RIN2: variants seen among roughly 807,000 people sequenced by gnomAD.
RIN2 encodes the protein Ras and Rab interactor 2, also known as RAB5 interacting protein 2.
In RIN2, 36 loss-of-function variants were observed where a neutral mutation model predicts 78.0. The observed-to-expected ratio is 0.46, with a 90% CI of 0.35 to 0.61. The LOEUF is 0.61. Ranked by LOEUF, RIN2 falls within the 20% of genes least tolerant of loss-of-function variation. The pLI, the probability that RIN2 is intolerant of heterozygous loss-of-function variation, is 0.00. For synonymous variants in RIN2, 466 were observed against 466.8 expected, an observed-to-expected ratio of 1.00 and a Z score of 0.02; for missense variants, 1,087 against 1,159.7, an observed-to-expected ratio of 0.94 and a Z score of 0.91.
At chr20:19,810,981 G>C (rs928314954) in intron 2 of RIN2, among the ~76,000 whole-genome samples, 5 of 151,614 alleles carry the variant, frequency 3.3e-5, no homozygotes, top group African/African-American at 1.2e-4. Context: ...AAAGTGCTGG[G>C]ATTACAGGCG....
intron 3 of RIN2, among the ~76,000 whole-genome samples, chr20:19,905,574 A>G (rs2123679697): frequency 1.3e-5 from 2 of 152,284 alleles, no homozygotes; most frequent in South Asian, 4.1e-4. Flanking sequence ...AAAGATAAAT[A>G]AACTAAGAAA....
intron 2 of RIN2, among the ~76,000 whole-genome samples, chr20:19,873,656 A>C (rs1336129893): frequency 6.6e-6 from 1 of 152,150 alleles, no homozygotes; most frequent in African/African-American, 2.4e-5. Flanking sequence ...GGCAATTAAG[A>C]ACCCTGAAAT....
chr20:19,934,519 G>A, intron 3 of RIN2: 1 of 985,174 alleles, frequency 1.0e-6, no homozygotes, highest in Non-Finnish European at 1.2e-6. Flanking sequence ...ATCCACCCCA[G>A]CCTCACTCAG....
At position 19,774,121 on chromosome 20, in the gene RIN2, C is replaced by T. The variant is rs117225222; in HGVS notation, c.-163+15794C>T. Among the ~76,000 whole-genome samples the T allele has an allele frequency of 5.0e-3, 755 of 152,066 alleles. 3 individuals are homozygous for T. Among genetic ancestry groups the T allele is most frequent in the Middle Eastern group, 0.01 (3 of 294 alleles). Reference sequence around the variant, plus strand: ...GGGATGGAGGCCTTTATAGGCTCCTCTCTTTTATCTCACAGGGAATTTTTC... The same window carrying T: ...GGGATGGAGGCCTTTATAGGCTCCTTTCTTTTATCTCACAGGGAATTTTTC... On this transcript the variant is annotated intron_variant, in intron 1 of 12. Coordinates refer to ENST00000255006, the MANE Select transcript of RIN2 (RefSeq NM_018993.4).
intron 3 of RIN2, among the ~76,000 whole-genome samples, chr20:19,896,109 A>G (rs2038708888): frequency 6.6e-6 from 1 of 152,226 alleles, no homozygotes; most frequent in African/African-American, 2.4e-5. Context: ...GTGGACAGAG[A>G]TTGCAGGGGC....
At chr20:19,854,777 T>G (rs1022972393) in intron 2 of RIN2, among the ~76,000 whole-genome samples, 19 of 152,218 alleles carry the variant, frequency 1.2e-4, no homozygotes, top group African/African-American at 4.6e-4. Flanking sequence ...AAGGAGATTT[T>G]GGGCTGAGAC....
At chr20:19,959,682 T>C (rs551828527) in intron 5 of RIN2, among the ~76,000 whole-genome samples, 2 of 151,864 alleles carry the variant, frequency 1.3e-5, no homozygotes, top group East Asian at 3.9e-4. Context: ...AGAGAATAGG[T>C]AGAGAGTAAG....
In RIN2 at chr20:19,918,243, G is replaced by T. The variant is rs1447833894; in HGVS notation, c.58-16856G>T. Among the ~76,000 whole-genome samples, 8 of 145,110 alleles carry T rather than the reference G, an allele frequency of 5.5e-5. No individual in the cohort carries two copies. In the South Asian group the frequency reaches 1.4e-3, roughly 26 times the overall value. ...GCTTAAGGAAACCAAAGGCCAGAAA[G>T]GTTAAGCAACCTCCCACCCAAGGCC... On this transcript the variant is annotated intron_variant, in intron 3 of 12. Transcript: ENST00000255006.
chr20:20,000,589 T>C, intron 12 of RIN2, 24 bp from the exon 13 acceptor site: 1 of 1,562,850 alleles, frequency 6.4e-7, no homozygotes, highest in East Asian at 2.3e-5. Flanking sequence ...TCTGACTGTC[T>C]CAACATTCCT....
chr20:19,921,663 G>A (rs1021174534), intron 3 of RIN2, among the ~76,000 whole-genome samples: 1 of 152,122 alleles, frequency 6.6e-6, no homozygotes, highest in African/African-American at 2.4e-5. Context: ...GAAGGCTGGG[G>A]GTGTCCTAGG....
chr20:19,964,110 C>T (rs559268496), intron 6 of RIN2, among the ~76,000 whole-genome samples: 1 of 152,196 alleles, frequency 6.6e-6, no homozygotes, highest in East Asian at 1.9e-4. Context: ...GTAATCCACC[C>T]ACCTTGGCCT....
At chr20:19,812,684 T>A (rs762310763) in intron 2 of RIN2, among the ~76,000 whole-genome samples, 18 of 152,266 alleles carry the variant, frequency 1.2e-4, no homozygotes, top group Middle Eastern at 3.4e-3. Flanking sequence ...CACCCCCCCA[T>A]TCAGAATGGC....
intron 3 of RIN2, among the ~76,000 whole-genome samples, chr20:19,908,128 C>T (rs766211809): frequency 1.3e-5 from 2 of 152,108 alleles, no homozygotes; most frequent in Admixed American, 6.6e-5. Context: ...GTCTGCAGGG[C>T]GATCACTTCC....
At chr20:19,765,185 ATCT>A (rs1374199893) in intron 1 of RIN2, among the ~76,000 whole-genome samples, 2 of 151,700 alleles carry the variant, frequency 1.3e-5, no homozygotes, top group Non-Finnish European at 2.9e-5. Flanking sequence ...CCACCCCCAA[ATCT>A]TCTTGGCAAA....
At chr20:19,986,011 T>C (rs1392904249) in intron 9 of RIN2, among the ~76,000 whole-genome samples, 3 of 152,238 alleles carry the variant, frequency 2.0e-5, no homozygotes, top group Non-Finnish European at 2.9e-5. Flanking sequence ...GTGGCTAGAA[T>C]AGTGTCATTG....
intron 2 of RIN2, among the ~76,000 whole-genome samples, chr20:19,884,024 C>T (rs1600692733): frequency 6.8e-6 from 1 of 147,868 alleles, no homozygotes; most frequent in South Asian, 2.4e-4. Flanking sequence ...TGGTCTCAAA[C>T]TCCTGGCCTC....
At chr20:19,796,566 T>C (rs2035060568) in intron 1 of RIN2, among the ~76,000 whole-genome samples, 1 of 152,248 alleles carries the variant, frequency 6.6e-6, no homozygotes, top group African/African-American at 2.4e-5. Flanking sequence ...GATCATGATG[T>C]GAAATATATT....
At chr20:19,844,602 T>G (rs559646863) in intron 2 of RIN2, among the ~76,000 whole-genome samples, 222 of 15,532 alleles carry the variant, frequency 0.014, 3 homozygotes, top group African/African-American at 0.041. Flanking sequence ...TGCTTCTTCC[T>G]CTTCTTCTTC....
At chr20:19,891,612 A>G (rs775545997) in intron 3 of RIN2, among the ~76,000 whole-genome samples, 23 of 152,196 alleles carry the variant, frequency 1.5e-4, no homozygotes, top group African/African-American at 2.2e-4. Flanking sequence ...TGAGGTCAGG[A>G]GTTCGAGACG....
Sources: gnomAD v4.1 joint callset for allele counts (sites outside exome capture counted in the v4.1 genomes callset) on GRCh38, gnomAD v4.1.1 for gene constraint, MANE v1.5 for transcripts, NCBI Gene and HGNC (gene_info 2026-07-23, HGNC 2026-07-21) for gene names.